Variants in IFT88 observed in about 807,000 individuals in gnomAD.
IFT88 encodes the protein intraflagellar transport 88, also known as intraflagellar transport protein 88 homolog.
In IFT88, 74 loss-of-function variants were observed where a neutral mutation model predicts 119.5. That is an observed-to-expected ratio of 0.62 (90% CI 0.51 to 0.75). The LOEUF (loss-of-function observed/expected upper bound fraction) is 0.75. Among genes scored for constraint, IFT88 ranks in the 30% least tolerant of loss-of-function variants. The pLI, the probability that IFT88 is intolerant of heterozygous loss-of-function variation, is 0.00. For missense variants in IFT88, 961 were observed against 977.7 expected, an observed-to-expected ratio of 0.98 and a Z score of 0.23; for synonymous variants, 279 against 316.7, an observed-to-expected ratio of 0.88 and a Z score of 1.26.
chr13:20,678,369 A>G lies in IFT88; in HGVS notation c.2242+7330A>G, dbSNP rs530332146. 1.3e-3 allele frequency among the ~76,000 whole-genome samples: 198 copies of G among 152,372 alleles called. 1 individual carries two copies. Among genetic ancestry groups the G allele is most frequent in the Non-Finnish European group, 2.3e-3 (156 of 68,034 alleles). On this transcript the variant is annotated intron_variant, in intron 24 of 25. Coordinates refer to ENST00000351808, the MANE Select transcript of IFT88 (RefSeq NM_006531.5). ...CTGACAGCCGTCAGAGCTGAGAGCC[A>G]TGAACAGAGTCTGACCCACATATTA...
chr13:20,651,328 CTTTAA>C (rs1282786148), intron 20 of IFT88, among the ~76,000 whole-genome samples: 1 of 150,944 alleles, frequency 6.6e-6, no homozygotes, highest in African/African-American at 2.4e-5. Context: ...TCTATGTCTT[CTTTAA>C]TTTATTTCAA....
intron 24 of IFT88, among the ~76,000 whole-genome samples, chr13:20,685,462 G>A (rs990185797): frequency 5.9e-5 from 9 of 152,202 alleles, no homozygotes; most frequent in Admixed American, 2.6e-4. Context: ...TAATTCCCAA[G>A]GGTAGCAAGG....
At chr13:20,679,539 T>C (rs1268759068) in intron 24 of IFT88, among the ~76,000 whole-genome samples, 2 of 152,202 alleles carry the variant, frequency 1.3e-5, no homozygotes, top group Non-Finnish European at 2.9e-5. Context: ...TCTCGGGCTC[T>C]TACTACTAAA....
At chr13:20,580,373 C>T (rs900195392) in intron 2 of IFT88, among the ~76,000 whole-genome samples, 1 of 151,958 alleles carries the variant, frequency 6.6e-6, no homozygotes, top group African/African-American at 2.4e-5. Flanking sequence ...AAAAATTAGC[C>T]AGCCGTGGTG....
chr13:20,596,136 T>C lies in IFT88; in HGVS notation c.399-14T>C, dbSNP rs766261365. The C allele has an allele frequency of 1.4e-5, 16 of 1,149,762 alleles. No homozygotes were observed. Among genetic ancestry groups the C allele is most frequent in the Non-Finnish European group, 1.8e-5 (15 of 821,182 alleles). 71.2% of individuals were successfully genotyped at this position (1,149,762 alleles called of 1,614,324 possible). ...TTGAATGATTTAAATTGTACCTGCT[T>C]TTGTCTTTAATAGCCCAGAGGAAAA... On this transcript the variant is annotated splice_polypyrimidine_tract_variant and intron_variant, in intron 7 of 25. Coordinates refer to ENST00000351808, the MANE Select transcript of IFT88 (RefSeq NM_006531.5).
At chr13:20,589,383 A>G (rs1321085887) in intron 3 of IFT88, among the ~76,000 whole-genome samples, 1 of 152,210 alleles carries the variant, frequency 6.6e-6, no homozygotes, top group East Asian at 1.9e-4. Context: ...TATTTAAAAG[A>G]TGAGAAAACT....
At chr13:20,582,935 T>G (rs1222996048) in intron 2 of IFT88, 22 bp from the exon 3 acceptor site, 3 of 1,600,970 alleles carry the variant, frequency 1.9e-6, no homozygotes, top group South Asian at 1.1e-5. Flanking sequence ...TGTTGAATGT[T>G]AAATTTGCGT....
chr13:20,582,521 T>C (rs1357558882), intron 2 of IFT88, among the ~76,000 whole-genome samples: 2 of 151,738 alleles, frequency 1.3e-5, no homozygotes, highest in Admixed American at 1.3e-4. Context: ...CCCCTGCTTG[T>C]AGAAAATATG....
At chr13:20,668,115 T>C (rs567182152) in intron 23 of IFT88, among the ~76,000 whole-genome samples, 2 of 152,334 alleles carry the variant, frequency 1.3e-5, no homozygotes, top group East Asian at 1.9e-4. Flanking sequence ...GAGGCCACTT[T>C]ACCTCCATCA....
In IFT88 at chr13:20,638,363, C is replaced by T; in HGVS notation, c.1418C>T (p.Ala473Val). The T allele has an allele frequency of 7.1e-7, 1 of 1,412,806 alleles. No homozygotes were observed. Among genetic ancestry groups the T allele is most frequent in the Non-Finnish European group, 9.3e-7 (1 of 1,078,048 alleles). The allele number at this position is 1,412,806 out of a possible 1,614,324, so 87.5% of individuals were successfully genotyped here. A position where few individuals can be genotyped will look rare whatever the true frequency, so the allele number is the denominator to read the frequency against. Residue 473 changes from alanine to valine, a missense_variant, in exon 17 of 26, where the codon GCA becomes GTA. By Grantham distance (64) the Ala-to-Val change is moderately conservative. Coordinates refer to ENST00000351808, the MANE Select transcript of IFT88 (RefSeq NM_006531.5). ...GATTTTGCACAAGCCAGCAGCTATG[C>T]AGATATAGCTGTGAACTCTGATAGA... ...GKDFAQASSY[A>V]DIAVNSDRYN...
At position 20,638,395 on chromosome 13, in the gene IFT88, C is replaced by G; in HGVS notation, c.1450C>G (p.Pro484Ala). Reference protein sequence around the residue: ...DIAVNSDRYNPAALTNKGNTV... With the variant: ...DIAVNSDRYNAAALTNKGNTV... ...AGCTGTGAACTCTGATAGATATAAT[C>G]CAGCAGCTCTTACTAATAAAGGGAA... Residue 484 changes from proline to alanine, a missense_variant, in exon 17 of 26, where the codon CCA (proline) becomes GCA (alanine). Physicochemically the swap from Pro to Ala is conservative, Grantham distance 27 (BLOSUM62 -1). Coordinates refer to ENST00000351808, the MANE Select transcript of IFT88 (RefSeq NM_006531.5). 1 of 1,512,096 alleles carries G rather than the reference C, an allele frequency of 6.6e-7. No homozygotes were observed. Among genetic ancestry groups the G allele is most frequent in the Non-Finnish European group, 8.8e-7 (1 of 1,134,524 alleles). 93.7% of individuals were successfully genotyped at this position (1,512,096 alleles called of 1,614,324 possible).
intron 24 of IFT88, among the ~76,000 whole-genome samples, chr13:20,683,129 T>C (rs1256111240): frequency 6.6e-6 from 1 of 152,178 alleles, no homozygotes; most frequent in Non-Finnish European, 1.5e-5. Flanking sequence ...TGGAGCTATG[T>C]GTCCTTTTTC....
Position 20,638,987 on chromosome 13 carries a change from T to C in IFT88, c.1573+469T>C, listed in dbSNP as rs374561039. Reference sequence around the variant, plus strand: ...TTTGCCATCTTTACTTCAGATTTTGTTTTTAATAAGCCAAATACTACAAGC... The same window carrying C: ...TTTGCCATCTTTACTTCAGATTTTGCTTTTAATAAGCCAAATACTACAAGC... On this transcript the variant is annotated intron_variant, in intron 17 of 25. Coordinates refer to ENST00000351808, the MANE Select transcript of IFT88 (RefSeq NM_006531.5). Among the ~76,000 whole-genome samples, 128 of 152,338 alleles carry C rather than the reference T, an allele frequency of 8.4e-4. 2 individuals are homozygous for C. In the South Asian group the frequency reaches 0.021, roughly 25 times the overall value.
intron 14 of IFT88, among the ~76,000 whole-genome samples, chr13:20,621,362 C>T (rs971734785): frequency 3.9e-5 from 6 of 152,026 alleles, no homozygotes; most frequent in African/African-American, 7.2e-5. Context: ...CCACCATGCC[C>T]GGCCGAGTTT....
intron 14 of IFT88, 46 bp from the exon 15 acceptor site, chr13:20,625,704 A>G (rs746741511): frequency 5.3e-6 from 7 of 1,329,814 alleles, no homozygotes; most frequent in South Asian, 5.1e-5. Flanking sequence ...CAGCATCAAT[A>G]TACTAAAACA....
chr13:20,651,922 C>T (rs1432505432), intron 20 of IFT88, among the ~76,000 whole-genome samples: 1 of 152,100 alleles, frequency 6.6e-6, no homozygotes, highest in Non-Finnish European at 1.5e-5. Flanking sequence ...CTGTTACATG[C>T]TACAACATGG....
At chr13:20,645,517 C>T (rs1046022255) in intron 20 of IFT88, among the ~76,000 whole-genome samples, 1 of 151,940 alleles carries the variant, frequency 6.6e-6, no homozygotes, top group Non-Finnish European at 1.5e-5. Flanking sequence ...ATTTTTCTTA[C>T]ACCTCAGCAA....
At chr13:20,618,545 C>T (rs1405239976) in intron 14 of IFT88, among the ~76,000 whole-genome samples, 1 of 152,080 alleles carries the variant, frequency 6.6e-6, no homozygotes, top group Non-Finnish European at 1.5e-5. Flanking sequence ...ATAAAGCCGC[C>T]TAGGGGGTTC....
chr13:20,596,102 T>G, intron 7 of IFT88, 48 bp from the exon 8 acceptor site: 1 of 584,278 alleles, frequency 1.7e-6, no homozygotes, highest in Non-Finnish European at 2.8e-6. Context: ...TAGTATAGAT[T>G]TTTAGAGGTT....
Sources: gnomAD v4.1 joint callset for allele counts (sites outside exome capture counted in the v4.1 genomes callset) on GRCh38, gnomAD v4.1.1 for gene constraint, MANE v1.5 for transcripts, NCBI Gene and HGNC (gene_info 2026-07-23, HGNC 2026-07-21) for gene names.